MICAL2: variants seen among roughly 807,000 people sequenced by gnomAD.
MICAL2 encodes the protein [F-actin]-monooxygenase MICAL2.
Under a neutral mutation model 127.3 loss-of-function variants are expected in MICAL2, and 77 were observed. That is an observed-to-expected ratio of 0.60 (90% CI 0.50 to 0.73). MICAL2 has a LOEUF of 0.73. Ranked by LOEUF, MICAL2 falls within the 30% of genes least tolerant of loss-of-function variation. MICAL2 has a pLI of 0.00. For synonymous variants in MICAL2, 570 were observed against 551.1 expected (o/e 1.03, Z -0.48); for missense variants, 1,351 against 1,434.4 (o/e 0.94, Z 0.94).
chr11:12,255,850 C>A, intron 23 of MICAL2, 100 bp downstream of exon 23: 2 of 863,550 alleles, frequency 2.3e-6, no homozygotes, highest in Non-Finnish European at 1.8e-6. Flanking sequence ...CCTCCCGAGG[C>A]TCCTCTTCTC....
chr11:12,358,418 C>A, exon 35 of MICAL2: 1 of 1,614,152 alleles, frequency 6.2e-7, no homozygotes, highest in Non-Finnish European at 8.5e-7. Context: ...AGAGAAAAAG[C>A]CGAGGACCAG....
At chr11:12,295,527 T>C (rs147714672), downstream of MICAL2, among the ~76,000 whole-genome samples, 9 of 149,834 alleles carry the variant, frequency 6.0e-5, no homozygotes, top group Non-Finnish European at 1.3e-4. Flanking sequence ...TCATGGCTCA[T>C]TGTAGCCTCA....
At chr11:12,189,737 A>G (rs112605156) in intron 3 of MICAL2, among the ~76,000 whole-genome samples, 14 of 152,160 alleles carry the variant, frequency 9.2e-5, no homozygotes, top group African/African-American at 3.1e-4. Context: ...AGCCTGAGCC[A>G]GCTATGGCTC....
At chr11:12,302,331 C>T (rs990583017) in intron 29 of MICAL2, among the ~76,000 whole-genome samples, 2 of 152,186 alleles carry the variant, frequency 1.3e-5, no homozygotes, top group Non-Finnish European at 2.9e-5. Flanking sequence ...TTAGTAGATA[C>T]TATCAAACAG....
At position 12,323,946 on chromosome 11, in the gene MICAL2, G is replaced by T. The variant is rs777688823; in HGVS notation, c.5329-32G>T. On this transcript the variant is annotated intron_variant, in intron 30 of 34. Transcript: ENST00000646065. ...GTAAATTTCAACCCCATTTTTCTCTGACATAATTTTTTTCTCCATTGGTTT... is the reference window on the plus strand; with the variant it reads ...GTAAATTTCAACCCCATTTTTCTCTTACATAATTTTTTTCTCCATTGGTTT... 8.8e-6 allele frequency: 14 copies of T among 1,584,048 alleles called. No individual in the cohort carries two copies. In the East Asian group the frequency reaches 2.9e-4, roughly 33 times the overall value.
chr11:12,239,679 G>A, intron 17 of MICAL2, 94 bp downstream of exon 17: 1 of 1,456,384 alleles, frequency 6.9e-7, no homozygotes, highest in Non-Finnish European at 9.2e-7. Flanking sequence ...ATGCCAGCCA[G>A]GCCTGGTCCC....
chr11:12,193,790 G>T (rs1328882814), intron 3 of MICAL2, among the ~76,000 whole-genome samples: 4 of 152,208 alleles, frequency 2.6e-5, no homozygotes, highest in African/African-American at 4.8e-5. Flanking sequence ...GTGACCTTGA[G>T]CATGCTACTT....
At chr11:12,190,115 G>A (rs1355947297) in intron 3 of MICAL2, among the ~76,000 whole-genome samples, 1 of 152,162 alleles carries the variant, frequency 6.6e-6, no homozygotes, top group Non-Finnish European at 1.5e-5. Flanking sequence ...TTCTTTTGTG[G>A]CAGCTGCAAG....
intron 15 of MICAL2, among the ~76,000 whole-genome samples, chr11:12,231,711 C>T (rs1449296907): frequency 6.6e-6 from 1 of 152,202 alleles, no homozygotes; most frequent in Non-Finnish European, 1.5e-5. Context: ...GCCCAGCAGC[C>T]AAAGCTCCCC....
intron 33 of MICAL2, among the ~76,000 whole-genome samples, chr11:12,352,517 C>A (rs1256755390): frequency 6.6e-6 from 1 of 152,214 alleles, no homozygotes; most frequent in Admixed American, 6.5e-5. Context: ...GAAGGACTTT[C>A]CTCTCCAAAG....
intron 33 of MICAL2, among the ~76,000 whole-genome samples, chr11:12,354,545 G>A (rs930363236): frequency 6.6e-6 from 1 of 151,952 alleles, no homozygotes; most frequent in African/African-American, 2.4e-5. Flanking sequence ...GGCTGAGGCA[G>A]AAGAATCACT....
chr11:12,277,127 G>A (rs1030563580), intron 1 of MICAL2, among the ~76,000 whole-genome samples: 2 of 152,130 alleles, frequency 1.3e-5, no homozygotes, highest in Admixed American at 6.5e-5. Context: ...TGTGGTCTTG[G>A]TGGGCTCGCC....
chr11:12,130,409 G>A (rs1356790145), intron 1 of MICAL2, among the ~76,000 whole-genome samples: 1 of 152,182 alleles, frequency 6.6e-6, no homozygotes, highest in Non-Finnish European at 1.5e-5. Context: ...AGAGGGATGG[G>A]ATGGGGAGTA....
At chr11:12,233,752 C>G (rs1415518221) in intron 15 of MICAL2, among the ~76,000 whole-genome samples, 2 of 152,138 alleles carry the variant, frequency 1.3e-5, no homozygotes, top group Admixed American at 6.5e-5. Context: ...TTCTCATGTT[C>G]TCTTTGGGCA....
At chr11:12,345,128 G>A (rs55935836) in intron 32 of MICAL2, among the ~76,000 whole-genome samples, 3,900 of 148,124 alleles carry the variant, frequency 0.026, 218 homozygotes, top group African/African-American at 0.092. Flanking sequence ...AAAAAAAAAA[G>A]AAAAAAGAAA....
chr11:12,113,130 G>A (rs924193594), intron 1 of MICAL2, among the ~76,000 whole-genome samples: 1 of 152,222 alleles, frequency 6.6e-6, no homozygotes, highest in Non-Finnish European at 1.5e-5. Context: ...TAAAGAGTCA[G>A]AGAAGAGAAT....
chr11:12,245,994 G>A (rs751631149), intron 21 of MICAL2, among the ~76,000 whole-genome samples: 8 of 152,328 alleles, frequency 5.3e-5, no homozygotes, highest in African/African-American at 7.2e-5. Flanking sequence ...CCAGCTGACT[G>A]GGCCCTTCAG....
chr11:12,286,824 A>G (rs1863832610), intron 2 of MICAL2: 1 of 273,070 alleles, frequency 3.7e-6, no homozygotes. Flanking sequence ...GCAGTGAGCC[A>G]TGACCCCACC....
chr11:12,357,975 T>G (rs999103589), intron 34 of MICAL2, among the ~76,000 whole-genome samples: 7 of 152,220 alleles, frequency 4.6e-5, no homozygotes, highest in African/African-American at 1.7e-4. Context: ...TTTGTTGTTT[T>G]GTTAGCTTCT....
Sources: gnomAD v4.1 joint callset for allele counts (sites outside exome capture counted in the v4.1 genomes callset) on GRCh38, gnomAD v4.1.1 for gene constraint, MANE v1.5 for transcripts, NCBI Gene and HGNC (gene_info 2026-07-23, HGNC 2026-07-21) for gene names.